CUX1: variants seen among roughly 807,000 people sequenced by gnomAD.
CUX1 encodes the protein protein CASP.
CUX1 carries 31 observed loss-of-function variants against 158.8 expected under a neutral mutation model. That is an observed-to-expected ratio of 0.20 (90% CI 0.15 to 0.26). CUX1 has a LOEUF of 0.26. Among genes scored for constraint, CUX1 ranks in the 10% least tolerant of loss-of-function variants. CUX1 has a pLI of 1.00. For missense variants in CUX1, 1,589 were observed against 2,014.6 expected, an observed-to-expected ratio of 0.79 and a Z score of 4.04; for synonymous variants, 879 against 862.1, an observed-to-expected ratio of 1.02 and a Z score of -0.34.
intron 2 of CUX1, among the ~76,000 whole-genome samples, chr7:101,999,377 C>G (rs1318622306): frequency 6.6e-6 from 1 of 151,974 alleles, no homozygotes; most frequent in Non-Finnish European, 1.5e-5. Flanking sequence ...TTCCTACCAG[C>G]CTTTTCATAT....
At chr7:102,122,155 C>T (rs1020480470) in intron 8 of CUX1, among the ~76,000 whole-genome samples, 4 of 152,152 alleles carry the variant, frequency 2.6e-5, no homozygotes, top group Admixed American at 2.0e-4. Flanking sequence ...ATCCTGAAAA[C>T]AGAGTCTGTC....
intron 1 of CUX1, among the ~76,000 whole-genome samples, chr7:101,834,609 G>A (rs980150184): frequency 9.2e-5 from 14 of 152,118 alleles, no homozygotes; most frequent in African/African-American, 1.4e-4. Context: ...TGTTCTAAAC[G>A]TGCCGCTTGT....
At chr7:101,850,319 A>G (rs908053755) in intron 1 of CUX1, among the ~76,000 whole-genome samples, 1 of 151,784 alleles carries the variant, frequency 6.6e-6, no homozygotes, top group Non-Finnish European at 1.5e-5. Flanking sequence ...TCAACATTTT[A>G]TAAGGCTTAA....
chr7:102,239,204 G>A, intron 22 of CUX1, 116 bp from the exon 23 acceptor site: 1 of 1,227,806 alleles, frequency 8.1e-7, no homozygotes, highest in Non-Finnish European at 1.1e-6. Flanking sequence ...AGTGTTTTGA[G>A]ATGCTCTATG....
intron 1 of CUX1, among the ~76,000 whole-genome samples, chr7:101,902,630 C>T (rs774855152): frequency 3.3e-5 from 5 of 152,280 alleles, no homozygotes; most frequent in Middle Eastern, 6.8e-3. Context: ...ACAAATCTCC[C>T]AAGTCTTTCT....
intron 21 of CUX1, among the ~76,000 whole-genome samples, chr7:102,231,352 T>C (rs1225106640): frequency 1.3e-5 from 2 of 150,576 alleles, no homozygotes; most frequent in Non-Finnish European, 3.0e-5. Context: ...TAAATAGAGA[T>C]GGGGTTTCAC....
chr7:102,060,737 C>A (rs1824746334), intron 3 of CUX1, among the ~76,000 whole-genome samples: 1 of 151,578 alleles, frequency 6.6e-6, no homozygotes. Flanking sequence ...CTCAGCCTCC[C>A]AAATAGCTGG....
chr7:102,202,390 G>A (rs962289339), intron 18 of CUX1, among the ~76,000 whole-genome samples, 186 bp downstream of exon 18: 8 of 152,100 alleles, frequency 5.3e-5, no homozygotes, highest in Non-Finnish European at 8.8e-5. Flanking sequence ...CCCATTTGCC[G>A]AGCCCCGACT....
At chr7:102,242,529 C>G (rs1388829330) in intron 23 of CUX1, among the ~76,000 whole-genome samples, 4 of 152,178 alleles carry the variant, frequency 2.6e-5, no homozygotes, top group Non-Finnish European at 4.4e-5. Context: ...TACTTTCTAG[C>G]CACAGAGATG....
chr7:102,018,512 G>A (rs1818942367), intron 2 of CUX1, among the ~76,000 whole-genome samples: 1 of 152,172 alleles, frequency 6.6e-6, no homozygotes, highest in Non-Finnish European at 1.5e-5. Context: ...ACTGGAGCTG[G>A]CGCTTGCATG....
chr7:101,958,597 C>T (rs190521102), intron 2 of CUX1, among the ~76,000 whole-genome samples: 517 of 148,996 alleles, frequency 3.5e-3, no homozygotes, highest in Admixed American at 5.6e-3. Context: ...TCTTCTTCCT[C>T]GGCCCCTCAA....
intron 21 of CUX1, among the ~76,000 whole-genome samples, chr7:102,228,659 T>A (rs1455808204): frequency 6.6e-6 from 1 of 151,954 alleles, no homozygotes; most frequent in Non-Finnish European, 1.5e-5. Context: ...ATTAGCCGGG[T>A]ATGGTGGTGC....
chr7:102,132,680 CTTTTTTTT>C (rs1174779466), intron 8 of CUX1, among the ~76,000 whole-genome samples: 1 of 115,186 alleles, frequency 8.7e-6, no homozygotes. Flanking sequence ...CTTTGCTTTT[CTTTTTTTT>C]TTTTTTTTTT....
intron 2 of CUX1, among the ~76,000 whole-genome samples, chr7:102,027,512 T>C (rs987308655): frequency 2.1e-4 from 32 of 152,264 alleles, no homozygotes; most frequent in Admixed American, 3.9e-4. Flanking sequence ...GCAAAAGCTT[T>C]AGTCTGTAGC....
intron 2 of CUX1, among the ~76,000 whole-genome samples, chr7:102,026,138 C>T (rs1331072318): frequency 6.6e-6 from 1 of 151,850 alleles, no homozygotes; most frequent in Non-Finnish European, 1.5e-5. Context: ...ATGATCACAC[C>T]ACTACACTCT....
At chr7:102,100,604 A>G (rs956460330) in intron 5 of CUX1, among the ~76,000 whole-genome samples, 1 of 152,198 alleles carries the variant, frequency 6.6e-6, no homozygotes, top group Admixed American at 6.5e-5. Context: ...AAAAGTGATT[A>G]TAATTTGGGA....
intron 1 of CUX1, among the ~76,000 whole-genome samples, chr7:101,892,549 G>A (rs1801000333): frequency 6.6e-6 from 1 of 152,180 alleles, no homozygotes; most frequent in Non-Finnish European, 1.5e-5. Context: ...TACGCAGTCT[G>A]AGAGTCTGCG....
rs537483572 is a variant in CUX1, at chr7:101,938,345, G to A, written c.141+22120G>A. On this transcript the variant is annotated intron_variant, in intron 2 of 23. Transcript: ENST00000292535. Reference sequence around the variant, plus strand: ...GTCTCTCAAACTCTGGGGCTCAAATGATCTTCCTGTGTCAGCCTCCCAAAG... The same window carrying A: ...GTCTCTCAAACTCTGGGGCTCAAATAATCTTCCTGTGTCAGCCTCCCAAAG... Among the ~76,000 whole-genome samples the A allele has an allele frequency of 3.2e-4, 49 of 152,170 alleles. 2 individuals are homozygous for A. The East Asian group carries it at 3.5e-3, about 11-fold the overall frequency.
At chr7:102,122,283 G>A (rs1832125369) in intron 8 of CUX1, among the ~76,000 whole-genome samples, 1 of 152,128 alleles carries the variant, frequency 6.6e-6, no homozygotes. Flanking sequence ...AAATAGAGAA[G>A]CAGCCACTTT....
Sources: allele counts gnomAD v4.1 joint callset (sites outside exome capture counted in the v4.1 genomes callset), GRCh38; gene constraint gnomAD v4.1.1; transcripts MANE v1.5; gene names NCBI Gene and HGNC (gene_info 2026-07-23, HGNC 2026-07-21).